Variants in ADGRB3 observed in about 807,000 individuals in gnomAD.
The protein encoded by ADGRB3 is brain-specific angiogenesis inhibitor 3.
ADGRB3 carries 37 observed loss-of-function variants against 193.4 expected under a neutral mutation model. The observed-to-expected ratio is 0.19, with a 90% CI of 0.15 to 0.25. ADGRB3 has a LOEUF of 0.25. Ranked by LOEUF, ADGRB3 falls within the 10% of genes least tolerant of loss-of-function variation. The pLI is 1.00. For synonymous variants in ADGRB3, 690 were observed against 644.2 expected (o/e 1.07, Z -1.08); for missense variants, 1,637 against 1,852.9 (o/e 0.88, Z 2.14).
At chr6:68,936,422 A>T in intron 4 of ADGRB3, 97 bp from the exon 5 acceptor site, 1 of 1,223,896 alleles carries the variant, frequency 8.2e-7, no homozygotes, top group Non-Finnish European at 1.1e-6. Flanking sequence ...TTTTACATTT[A>T]AATTATTCTT....
At chr6:69,039,506 A>G (rs892087254) in intron 13 of ADGRB3, among the ~76,000 whole-genome samples, 2 of 152,104 alleles carry the variant, frequency 1.3e-5, no homozygotes, top group Non-Finnish European at 2.9e-5. Flanking sequence ...TATGGGCCAC[A>G]TAGTCTCCAT....
chr6:69,335,128 A>AT (rs200555715), intron 24 of ADGRB3, among the ~76,000 whole-genome samples: 4 of 152,066 alleles, frequency 2.6e-5, no homozygotes, highest in Admixed American at 6.5e-5. Flanking sequence ...TGAGGATTTA[A>AT]TTAAAAAAAA....
At chr6:68,896,494 T>C (rs1047799209) in intron 3 of ADGRB3, among the ~76,000 whole-genome samples, 2 of 152,152 alleles carry the variant, frequency 1.3e-5, no homozygotes, top group African/African-American at 4.8e-5. Flanking sequence ...GCCGAGAATT[T>C]TGCTTTAGTA....
At chr6:68,667,108 T>C (rs957034321) in intron 3 of ADGRB3, among the ~76,000 whole-genome samples, 1 of 151,874 alleles carries the variant, frequency 6.6e-6, no homozygotes, top group African/African-American at 2.4e-5. Context: ...ATAGAGCTGG[T>C]ACTTTTTTAA....
chr6:69,052,104 G>A (rs1406976330), intron 15 of ADGRB3, among the ~76,000 whole-genome samples: 1 of 152,120 alleles, frequency 6.6e-6, no homozygotes, highest in Non-Finnish European at 1.5e-5. Flanking sequence ...TAGCCAGGAT[G>A]GCCTTGATTT....
intron 26 of ADGRB3, among the ~76,000 whole-genome samples, chr6:69,346,779 G>C (rs1582647119): frequency 6.6e-6 from 1 of 152,178 alleles, no homozygotes; most frequent in Non-Finnish European, 1.5e-5. Flanking sequence ...CTCAACCATT[G>C]TGGAAGACAG....
intron 13 of ADGRB3, among the ~76,000 whole-genome samples, chr6:69,032,397 T>C (rs1361714192): frequency 6.6e-6 from 1 of 152,234 alleles, no homozygotes; most frequent in African/African-American, 2.4e-5. Context: ...ATGCCTTCTT[T>C]TCAATTTTGC....
chr6:68,844,372 T>G (rs1411371297), intron 3 of ADGRB3, among the ~76,000 whole-genome samples: 2 of 151,978 alleles, frequency 1.3e-5, no homozygotes, highest in Non-Finnish European at 2.9e-5. Flanking sequence ...AAGATATGAA[T>G]AAACATTTAT....
chr6:69,105,500 C>T (rs1251614863), intron 17 of ADGRB3, among the ~76,000 whole-genome samples: 1 of 152,170 alleles, frequency 6.6e-6, no homozygotes, highest in African/African-American at 2.4e-5. Flanking sequence ...CTACATCGCC[C>T]TCTGCCTCCT....
intron 3 of ADGRB3, among the ~76,000 whole-genome samples, chr6:68,687,624 C>T (rs1159238862): frequency 6.6e-6 from 1 of 152,066 alleles, no homozygotes; most frequent in South Asian, 2.1e-4. Flanking sequence ...CATAATTAGC[C>T]AGCATTCATT....
chr6:68,790,456 G>A (rs924678720), intron 3 of ADGRB3, among the ~76,000 whole-genome samples: 3 of 152,188 alleles, frequency 2.0e-5, no homozygotes, highest in African/African-American at 4.8e-5. Context: ...CTCCCAGCAC[G>A]CAGCTTGAGA....
At chr6:69,176,671 T>C (rs955450181) in intron 17 of ADGRB3, among the ~76,000 whole-genome samples, 1 of 152,176 alleles carries the variant, frequency 6.6e-6, no homozygotes, top group African/African-American at 2.4e-5. Context: ...CCTTCCTCCT[T>C]GATTTTTTGC....
chr6:69,292,800 T>A (rs978457377), intron 20 of ADGRB3, among the ~76,000 whole-genome samples: 1 of 152,174 alleles, frequency 6.6e-6, no homozygotes, highest in African/African-American at 2.4e-5. Context: ...ACATGTGCCA[T>A]GCTGGTGCGC....
At chr6:68,914,886 C>A (rs1282677121) in intron 3 of ADGRB3, among the ~76,000 whole-genome samples, 3 of 152,144 alleles carry the variant, frequency 2.0e-5, no homozygotes, top group African/African-American at 7.2e-5. Flanking sequence ...GGCACTTAAT[C>A]TAGCATATTT....
chr6:68,996,928 CAG>C (rs1424379067), intron 11 of ADGRB3, among the ~76,000 whole-genome samples: 1 of 152,088 alleles, frequency 6.6e-6, no homozygotes, highest in Admixed American at 6.5e-5. Context: ...GTAATAATCA[CAG>C]AGGTATCCAT....
At chr6:69,278,647 A>G (rs1352735407) in intron 20 of ADGRB3, among the ~76,000 whole-genome samples, 1 of 152,202 alleles carries the variant, frequency 6.6e-6, no homozygotes, top group East Asian at 1.9e-4. Flanking sequence ...GGCAAAAATC[A>G]GTGAACATTT....
intron 15 of ADGRB3, among the ~76,000 whole-genome samples, chr6:69,052,143 C>T (rs1342724182): frequency 1.3e-5 from 2 of 152,104 alleles, no homozygotes; most frequent in Admixed American, 6.5e-5. Flanking sequence ...CCGCCTCGGC[C>T]TCCCAAAGTG....
chr6:68,994,659 A>T (rs1427047075), intron 11 of ADGRB3, among the ~76,000 whole-genome samples: 1 of 152,228 alleles, frequency 6.6e-6, no homozygotes, highest in East Asian at 1.9e-4. Context: ...GTTTCAGATT[A>T]ACTCTTTTTA....
chr6:69,237,076 G>A (rs1453003934), intron 19 of ADGRB3, among the ~76,000 whole-genome samples: 1 of 151,906 alleles, frequency 6.6e-6, no homozygotes, highest in African/African-American at 2.4e-5. Flanking sequence ...GTTTATAAGC[G>A]CCTACAGAAA....
Sources: gnomAD v4.1 joint callset for allele counts (sites outside exome capture counted in the v4.1 genomes callset) on GRCh38, gnomAD v4.1.1 for gene constraint, MANE v1.5 for transcripts, NCBI Gene and HGNC (gene_info 2026-07-23, HGNC 2026-07-21) for gene names.